The following CFAP92 variants were observed in gnomAD, a reference collection of about 807,000 sequenced individuals.
CFAP92 encodes cilia and flagella associated protein 92 (putative), also known as uncharacterized protein CFAP92.
A neutral mutation model predicts 106.3 loss-of-function variants in CFAP92; 86 were observed. The observed-to-expected ratio is 0.81, with a 90% CI of 0.68 to 0.97. The LOEUF is 0.97. CFAP92 is among the 50% of genes least tolerant of loss of function. The pLI is 0.00. For missense variants in CFAP92, 1,204 were observed against 1,283.8 expected, an observed-to-expected ratio of 0.94 and a Z score of 0.95; for synonymous variants, 477 against 506.4, an observed-to-expected ratio of 0.94 and a Z score of 0.78.
chr3:128,996,825 G>A (rs558852299), upstream of CFAP92, among the ~76,000 whole-genome samples: 3 of 152,174 alleles, frequency 2.0e-5, no homozygotes, highest in Non-Finnish European at 4.4e-5. Flanking sequence ...CTGGCTCTTC[G>A]TGGGCCCGCT....
intron 15 of CFAP92, among the ~76,000 whole-genome samples, chr3:128,911,159 C>T (rs998422254): frequency 5.9e-5 from 9 of 152,186 alleles, no homozygotes; most frequent in Non-Finnish European, 1.2e-4. Context: ...TGGGTTCAAG[C>T]GATTCTTCTG....
At chr3:128,925,672 T>TA (rs753019353) in intron 12 of CFAP92, among the ~76,000 whole-genome samples, 100 of 151,874 alleles carry the variant, frequency 6.6e-4, no homozygotes, top group African/African-American at 1.5e-3. Context: ...TTTTAAAACT[T>TA]AAAAAAAATC....
chr3:129,001,528 C>T, intron 1 of CFAP92: 3 of 1,336,030 alleles, frequency 2.2e-6, no homozygotes, highest in Non-Finnish European at 1.9e-6. Flanking sequence ...AGACCGCGAC[C>T]GCTAAGCCCC....
At position 128,977,028 on chromosome 3, in the gene CFAP92, T is replaced by C. The variant is rs1943202232; in HGVS notation, c.847A>G (p.Ser283Gly). 3 of 1,613,932 alleles carry C rather than the reference T, an allele frequency of 1.9e-6. No individual in the cohort carries two copies. The highest frequency in any genetic ancestry group is 2.5e-6 in the Non-Finnish European group (3 of 1,179,848). ...TTGAGGGACTTCTCATATTCCTCAC[T>C]GTTCTTGGAAGAAGTTTCGGGCTCT... ...QAEPETSSKN[S>G]EEYEKSLKMD... Residue 283 changes from serine to glycine, a missense_variant, in exon 6 of 16, where the codon AGT becomes GGT. By Grantham distance (56) the Ser-to-Gly change is moderately conservative. Transcript: ENST00000645291.
At chr3:128,966,568 CT>C (rs1197235481) in intron 8 of CFAP92, 4,176 of 126,578 alleles carry the variant, frequency 0.033, 147 homozygotes, top group African/African-American at 0.11. Flanking sequence ...AATGCTTTTT[CT>C]TTTTTTTTTT....
the CFAP92 span, among the ~76,000 whole-genome samples, chr3:129,017,733 C>G: frequency 2.4e-4 from 33 of 140,106 alleles, no homozygotes; most frequent in Admixed American, 2.2e-3. Context: ...TGTGATTAGA[C>G]AGGGATAATC....
At chr3:128,987,993 G>A (rs1296611321) in intron 3 of CFAP92, among the ~76,000 whole-genome samples, 164 bp from the exon 4 acceptor site, 1 of 152,170 alleles carries the variant, frequency 6.6e-6, no homozygotes, top group East Asian at 1.9e-4. Flanking sequence ...GGGGCGTTGT[G>A]TGCTGGGCCC....
At chr3:129,023,270 C>T in the CFAP92 span, among the ~76,000 whole-genome samples, 4 of 150,786 alleles carry the variant, frequency 2.7e-5, no homozygotes, top group African/African-American at 9.7e-5. Context: ...GATCATCACT[C>T]AAAGTACAGA....
At position 128,916,116 on chromosome 3, in the gene CFAP92, C is replaced by CT; in HGVS notation, c.2906dup (p.Ile970AspfsTer72). The CT allele has an allele frequency of 8.1e-7, 1 of 1,232,286 alleles. No individual in the cohort carries two copies. Among genetic ancestry groups the CT allele is most frequent in the Non-Finnish European group, 1.0e-6 (1 of 988,066 alleles). The allele number at this position is 1,232,286 out of a possible 1,614,324, so 76.3% of individuals were successfully genotyped here. On this transcript the variant is annotated frameshift_variant, in exon 13 of 16. Transcript: ENST00000645291. LOFTEE classifies it high-confidence loss of function. Reference sequence around the variant, plus strand: ...TGTCTGGGTCTCTCACCTTGGCTATCTCTTGATACAGCTCCTTCTTGGCAA... The same window carrying CT: ...TGTCTGGGTCTCTCACCTTGGCTATCTTCTTGATACAGCTCCTTCTTGGCAA...
upstream of CFAP92, among the ~76,000 whole-genome samples, chr3:128,997,190 C>G (rs1332336058): frequency 6.6e-6 from 1 of 152,200 alleles, no homozygotes; most frequent in Non-Finnish European, 1.5e-5. Context: ...GGAGGGTTCC[C>G]AAGCTCCCAC....
At chr3:128,953,874 C>T (rs1176397903) in intron 9 of CFAP92, among the ~76,000 whole-genome samples, 10 of 119,650 alleles carry the variant, frequency 8.4e-5, no homozygotes, top group Non-Finnish European at 7.8e-5. Flanking sequence ...CCCGAGGTGC[C>T]GGGATTGCAG....
chr3:128,958,195 C>A (rs1296691782), intron 9 of CFAP92, among the ~76,000 whole-genome samples: 1 of 152,128 alleles, frequency 6.6e-6, no homozygotes, highest in Non-Finnish European at 1.5e-5. Context: ...GTTCAACATA[C>A]CATTTTTTGG....
At chr3:128,934,926 A>G (rs1938819303) in intron 11 of CFAP92, among the ~76,000 whole-genome samples, 199 bp downstream of exon 11, 1 of 152,136 alleles carries the variant, frequency 6.6e-6, no homozygotes, top group African/African-American at 2.4e-5. Context: ...CTCCCTCCTC[A>G]GGCAATTCTA....
At chr3:128,919,242 C>T (rs1937071434) in intron 12 of CFAP92, among the ~76,000 whole-genome samples, 1 of 151,714 alleles carries the variant, frequency 6.6e-6, no homozygotes, top group African/African-American at 2.4e-5. Context: ...CTGCACCCAG[C>T]CTGGATTTTT....
rs1486270569 is a variant in CFAP92 at position 128,935,288 on chromosome 3, C to T, written c.2290G>A (p.Val764Met). 6.5e-7 allele frequency: 1 copy of T among 1,529,962 alleles called. No individual in the cohort carries two copies. The highest frequency in any genetic ancestry group is 2.0e-5 in the Admixed American group (1 of 50,336). 94.8% of individuals were successfully genotyped at this position (1,529,962 alleles called of 1,614,324 possible). A position where few individuals can be genotyped will look rare whatever the true frequency, so the allele number is the denominator to read the frequency against. Reference protein sequence around the residue: ...IPRSEHRKYKVLYNSQLLFRS... With the variant: ...IPRSEHRKYKMLYNSQLLFRS... ...AACAGCAGCTGTGAGTTGTACAGCA[C>T]CTTGTATTTCCTGTGTTCTGACCTG... Residue 764 changes from valine (V) to methionine (M), a missense_variant, in exon 11 of 16, where the codon GTG (valine) becomes ATG (methionine). Coordinates refer to ENST00000645291, the MANE Select transcript of CFAP92 (RefSeq NM_001394090.1).
intron 9 of CFAP92, among the ~76,000 whole-genome samples, chr3:128,946,200 G>A (rs1486989884): frequency 6.6e-6 from 1 of 151,926 alleles, no homozygotes; most frequent in African/African-American, 2.4e-5. Context: ...ATGAAACAAG[G>A]ACTCAAAAAG....
intron 9 of CFAP92, among the ~76,000 whole-genome samples, chr3:128,961,937 T>C (rs963102695): frequency 1.5e-4 from 23 of 152,122 alleles, no homozygotes; most frequent in East Asian, 7.7e-4. Context: ...TGAACCGCAG[T>C]GGCCAGGTGT....
intron 12 of CFAP92, among the ~76,000 whole-genome samples, chr3:128,925,172 T>C (rs2630257): frequency 0.43 from 65,880 of 152,136 alleles, 16,781 homozygotes; most frequent in African/African-American, 0.7. Flanking sequence ...AGTTTTTCCA[T>C]GGCCAGTGGG....
chr3:128,921,149 G>A (rs2107685512), intron 12 of CFAP92, among the ~76,000 whole-genome samples: 1 of 152,204 alleles, frequency 6.6e-6, no homozygotes, highest in East Asian at 1.9e-4. Flanking sequence ...GACTCTGCCG[G>A]ACTTCATAGT....
Sources: gnomAD v4.1 joint callset for allele counts (sites outside exome capture counted in the v4.1 genomes callset) on GRCh38, gnomAD v4.1.1 for gene constraint, MANE v1.5 for transcripts, NCBI Gene and HGNC (gene_info 2026-07-23, HGNC 2026-07-21) for gene names.